Variants in ZNF518A observed in about 807,000 individuals in gnomAD.
The protein encoded by ZNF518A is zinc finger protein 518.
In ZNF518A, 47 loss-of-function variants were observed where a neutral mutation model predicts 102.7. That is an observed-to-expected ratio of 0.46 (90% CI 0.36 to 0.58). The LOEUF (loss-of-function observed/expected upper bound fraction) is 0.58. ZNF518A is among the 20% of genes least tolerant of loss of function. ZNF518A has a pLI of 0.00. For synonymous variants in ZNF518A, 652 were observed against 594.6 expected, an observed-to-expected ratio of 1.10 and a Z score of -1.40; for missense variants, 1,793 against 1,699.8, an observed-to-expected ratio of 1.05 and a Z score of -0.96.
At chr10:96,165,483 AAAAAAACAG>A (rs2083129036), downstream of ZNF518A, among the ~76,000 whole-genome samples, 1 of 145,102 alleles carries the variant, frequency 6.9e-6, no homozygotes, top group East Asian at 2.5e-4. Flanking sequence ...AAAAAAAAAA[AAAAAAACAG>A]ACACCAAACC....
At chr10:96,198,684 A>G (rs1245101309) in intron 1 of ZNF518A, among the ~76,000 whole-genome samples, 1 of 152,178 alleles carries the variant, frequency 6.6e-6, no homozygotes, top group Non-Finnish European at 1.5e-5. Flanking sequence ...ATGAAAAAAC[A>G]GTTTTTTAAC....
intron 3 of ZNF518A, among the ~76,000 whole-genome samples, chr10:96,154,811 A>G (rs1016714273): frequency 1.3e-5 from 2 of 152,176 alleles, no homozygotes; most frequent in Non-Finnish European, 2.9e-5. Context: ...TTACTGTATT[A>G]GTCATGGCAT....
chr10:96,134,092 G>T (rs1554873420), intron 3 of ZNF518A, among the ~76,000 whole-genome samples: 1 of 152,180 alleles, frequency 6.6e-6, no homozygotes, highest in Non-Finnish European at 1.5e-5. Context: ...AACTTTTTGA[G>T]TGCTGACATG....
downstream of ZNF518A, chr10:96,204,560 G>A (rs1554896956): frequency 1.9e-6 from 3 of 1,614,074 alleles, no homozygotes; most frequent in African/African-American, 1.3e-5. Flanking sequence ...ACTGGTGACT[G>A]CACAGCTTCT....
intron 3 of ZNF518A, among the ~76,000 whole-genome samples, chr10:96,137,995 A>G (rs10882723): frequency 0.37 from 55,624 of 152,090 alleles, 11,509 homozygotes; most frequent in Middle Eastern, 0.54. Context: ...CAATGCTGTC[A>G]GAACTTCTAG....
At chr10:96,204,850 T>C, downstream of ZNF518A, 1 of 484,756 alleles carries the variant, frequency 2.1e-6, no homozygotes, top group Non-Finnish European at 3.8e-6. Context: ...ACCTCTGCAT[T>C]CATCCACTGG....
intron 3 of ZNF518A, among the ~76,000 whole-genome samples, chr10:96,134,406 T>C (rs1195861447): frequency 6.6e-6 from 1 of 152,128 alleles, no homozygotes; most frequent in Admixed American, 6.5e-5. Flanking sequence ...AATTTTTTTT[T>C]TATTTTTAGT....
At chr10:96,152,492 T>C (rs1435382575) in intron 3 of ZNF518A, among the ~76,000 whole-genome samples, 1 of 152,236 alleles carries the variant, frequency 6.6e-6, no homozygotes, top group East Asian at 1.9e-4. Flanking sequence ...TATAAATTGC[T>C]GTCAGATATC....
At chr10:96,167,072 G>C (rs1302086835), downstream of ZNF518A, among the ~76,000 whole-genome samples, 1 of 152,192 alleles carries the variant, frequency 6.6e-6, no homozygotes, top group Non-Finnish European at 1.5e-5. Context: ...CAAAGAAACA[G>C]AAAAGTATGT....
At chr10:96,167,211 A>G (rs1179540994), downstream of ZNF518A, among the ~76,000 whole-genome samples, 3 of 152,204 alleles carry the variant, frequency 2.0e-5, no homozygotes, top group Admixed American at 6.5e-5. Context: ...CTGTAATGCC[A>G]GCAGTTTGGG....
chr10:96,131,351 T>G (rs1412646190), intron 1 of ZNF518A, among the ~76,000 whole-genome samples: 1 of 152,226 alleles, frequency 6.6e-6, no homozygotes, highest in African/African-American at 2.4e-5. Flanking sequence ...TTAAATTGAT[T>G]CAGTGAAATT....
chr10:96,146,841 CA>C (rs1395061572), intron 3 of ZNF518A, among the ~76,000 whole-genome samples: 2 of 152,160 alleles, frequency 1.3e-5, no homozygotes, highest in Non-Finnish European at 2.9e-5. Flanking sequence ...AATTTGGTAG[CA>C]AGCCTAAATC....
In ZNF518A at chr10:96,157,980, T is replaced by C; in HGVS notation, c.1658T>C (p.Leu553Ser). Reference protein sequence around the residue: ...TMDYEKSVSSLSATSELVTAS... With the variant: ...TMDYEKSVSSSSATSELVTAS... The stretch of plus-strand genomic sequence containing the variant: ...GATTATGAGAAAAGTGTATCTTCTT[T>C]GTCAGCAACATCAGAATTGGTTACA... Residue 553 changes from leucine to serine, a missense_variant, in exon 6 of 6, where the codon TTG becomes TCG. This residue lies in a region of ZNF518A where 1,741 missense variants were observed against 1,622.6 expected (regional missense o/e 1.07). Coordinates refer to ENST00000316045, the MANE Select transcript of ZNF518A (RefSeq NM_001330736.2). 6.2e-7 allele frequency: 1 copy of C among 1,613,820 alleles called. No homozygotes were observed. The highest frequency in any genetic ancestry group is 1.3e-5 in the African/African-American group (1 of 75,046).
chr10:96,183,848 A>C (rs587666509), intron 1 of ZNF518A, among the ~76,000 whole-genome samples: 245 of 152,332 alleles, frequency 1.6e-3, no homozygotes, highest in African/African-American at 5.4e-3. Flanking sequence ...TGCAGAGCTG[A>C]GTTCAAGTCC....
chr10:96,157,293 G>A lies in ZNF518A; in HGVS notation c.971G>A (p.Arg324Lys). 1.2e-6 allele frequency: 2 copies of A among 1,612,288 alleles called. No homozygotes were observed. Among genetic ancestry groups the A allele is most frequent in the Non-Finnish European group, 1.7e-6 (2 of 1,179,142 alleles). Residue 324 changes from arginine to lysine, a missense_variant, in exon 6 of 6, where the codon AGG (arginine) becomes AAG (lysine). Physicochemically the swap from Arg to Lys is conservative, Grantham distance 26. Coordinates refer to ENST00000316045, the MANE Select transcript of ZNF518A (RefSeq NM_001330736.2). ...ILKRYKIGAS[R>K]KTFWKRKKIN... ...AAAAGATATAAAATAGGTGCATCAA[G>A]GAAGACGTTCTGGAAACGTAAGAAA...
rs1406618500 is a variant in ZNF518A, at chr10:96,200,552, A to G, written n.36-3022A>G. On this transcript the variant is annotated intron_variant and non_coding_transcript_variant, in intron 1 of 2. Coordinates refer to the ZNF518A transcript ENST00000442635. The surrounding 1 kb of genome is among the most constrained non-coding windows in gnomAD (Gnocchi z 4.3). ...TTTGAAGGCAAGAAGGACACATGCTATTATCCGTATTTTACATTTTTACAT... is the reference window on the plus strand; with the variant it reads ...TTTGAAGGCAAGAAGGACACATGCTGTTATCCGTATTTTACATTTTTACAT... Among the ~76,000 whole-genome samples, 4 of 152,202 alleles carry G rather than the reference A, an allele frequency of 2.6e-5. No individual in the cohort carries two copies. Among genetic ancestry groups the G allele is most frequent in the African/African-American group, 9.6e-5 (4 of 41,452 alleles).
chr10:96,159,786 C>T lies in ZNF518A; in HGVS notation c.3464C>T (p.Thr1155Ile), dbSNP rs371844399. 6 of 1,613,526 alleles carry T rather than the reference C, an allele frequency of 3.7e-6. No individual in the cohort carries two copies. The African/African-American group carries it at 6.7e-5, about 18-fold the overall frequency. Reference protein sequence around the residue: ...LKIFNPVLNVTAANNLSVSNS... With the variant: ...LKIFNPVLNVIAANNLSVSNS... ...ATTTTTAACCCTGTTTTAAATGTGACTGCTGCTAATAATCTGTCAGTAAGC... is the reference window on the plus strand; with the variant it reads ...ATTTTTAACCCTGTTTTAAATGTGATTGCTGCTAATAATCTGTCAGTAAGC... The change falls in exon 6 of 6, where the codon ACT (threonine) becomes ATT (isoleucine). Residue 1155 changes from threonine to isoleucine, a missense_variant. This residue lies in a region of ZNF518A where 1,741 missense variants were observed against 1,622.6 expected (regional missense o/e 1.07). Coordinates refer to ENST00000316045, the MANE Select transcript of ZNF518A (RefSeq NM_001330736.2).
intron 1 of ZNF518A, among the ~76,000 whole-genome samples, chr10:96,175,854 A>G (rs1554891376): frequency 6.9e-6 from 1 of 145,146 alleles, no homozygotes; most frequent in Non-Finnish European, 1.5e-5. Flanking sequence ...AATTACAAGT[A>G]TTCCCTCCCT....
chr10:96,171,464 C>T (rs1045602585), intron 1 of ZNF518A, among the ~76,000 whole-genome samples: 4 of 152,034 alleles, frequency 2.6e-5, no homozygotes, highest in Non-Finnish European at 2.9e-5. Flanking sequence ...TATGAAATGT[C>T]AAGAATAGGC....
Sources: gnomAD v4.1 joint callset for allele counts (sites outside exome capture counted in the v4.1 genomes callset) on GRCh38, gnomAD v4.1.1 for gene constraint, gnomAD v4.1.1 regional missense constraint, Gnocchi (gnomAD v3.1) non-coding constraint, MANE v1.5 for transcripts, NCBI Gene and HGNC (gene_info 2026-07-23, HGNC 2026-07-21) for gene names.